Variants in CNTNAP2 observed in about 807,000 individuals in gnomAD.
The protein encoded by CNTNAP2 is contactin-associated protein-like 2.
In CNTNAP2, 98 loss-of-function variants were observed where a neutral mutation model predicts 155.2. The ratio of observed to expected loss-of-function variants is 0.63; its 90% CI spans 0.54 to 0.75. The LOEUF is 0.75. CNTNAP2 is among the 30% of genes least tolerant of loss of function. CNTNAP2 has a pLI of 0.00. For missense variants in CNTNAP2, 1,727 were observed against 1,688.1 expected (o/e 1.02, Z -0.40); for synonymous variants, 651 against 631.2 (o/e 1.03, Z -0.47).
intron 1 of CNTNAP2, among the ~76,000 whole-genome samples, chr7:146,394,041 G>A (rs1206348029): frequency 2.6e-5 from 4 of 152,098 alleles, no homozygotes; most frequent in Admixed American, 6.6e-5. Context: ...GCTTGTTGTC[G>A]CTTTATCCAA....
chr7:147,293,038 G>A (rs1231459281), intron 8 of CNTNAP2, among the ~76,000 whole-genome samples: 1 of 152,164 alleles, frequency 6.6e-6, no homozygotes, highest in Admixed American at 6.5e-5. Context: ...AAAGTGCTGG[G>A]ATTGCAGGCA....
At chr7:147,402,727 T>A (rs1796938101) in intron 10 of CNTNAP2, among the ~76,000 whole-genome samples, 1 of 152,138 alleles carries the variant, frequency 6.6e-6, no homozygotes, top group Admixed American at 6.5e-5. Context: ...AGGTTAGGCA[T>A]TAGGGACAGC....
chr7:147,357,796 G>C (rs2116890329), intron 9 of CNTNAP2, among the ~76,000 whole-genome samples: 1 of 152,140 alleles, frequency 6.6e-6, no homozygotes, highest in East Asian at 1.9e-4. Flanking sequence ...TGGAGTGCAG[G>C]ATTTTTTTCT....
chr7:147,835,038 G>C (rs559192879), intron 13 of CNTNAP2, among the ~76,000 whole-genome samples: 1 of 152,156 alleles, frequency 6.6e-6, no homozygotes, highest in South Asian at 2.1e-4. Flanking sequence ...GGACTGATCT[G>C]CCAATAAGGA....
intron 1 of CNTNAP2, among the ~76,000 whole-genome samples, chr7:146,360,490 T>G (rs1007872183): frequency 6.6e-6 from 1 of 152,142 alleles, no homozygotes; most frequent in African/African-American, 2.4e-5. Context: ...GAATATCACA[T>G]GCGAAATCCA....
At chr7:146,413,895 A>C (rs1795901218) in intron 1 of CNTNAP2, among the ~76,000 whole-genome samples, 1 of 152,140 alleles carries the variant, frequency 6.6e-6, no homozygotes, top group Non-Finnish European at 1.5e-5. Context: ...AGCTGTGTTC[A>C]TCCACTCCTC....
intron 13 of CNTNAP2, among the ~76,000 whole-genome samples, chr7:147,745,944 TTC>T (rs1797034910): frequency 6.6e-6 from 1 of 152,124 alleles, no homozygotes; most frequent in Non-Finnish European, 1.5e-5. Context: ...GAATAATATA[TTC>T]AATGAACTTC....
In CNTNAP2 at chr7:146,371,657, A is replaced by G. The variant is rs935432749; in HGVS notation, c.97+254684A>G. ...AGTATTAGTTCTTTTGTGTCATTTAAAAATATTTTGCCAGCTGGGCGTGGT... is the reference window on the plus strand; with the variant it reads ...AGTATTAGTTCTTTTGTGTCATTTAGAAATATTTTGCCAGCTGGGCGTGGT... On this transcript the variant is annotated intron_variant, in intron 1 of 23. Coordinates refer to ENST00000361727, the MANE Select transcript of CNTNAP2 (RefSeq NM_014141.6). 2.6e-5 allele frequency among the ~76,000 whole-genome samples: 4 copies of G among 152,006 alleles called. No homozygotes were observed. The South Asian group carries it at 8.3e-4, about 32-fold the overall frequency.
chr7:148,347,891 T>A (rs993648426), intron 21 of CNTNAP2, among the ~76,000 whole-genome samples: 1 of 152,200 alleles, frequency 6.6e-6, no homozygotes, highest in Non-Finnish European at 1.5e-5. Context: ...TCTTTACAGC[T>A]CTAAGCTGCT....
rs530176906 is a variant in CNTNAP2, at chr7:148,220,134, G to A, written c.3247+2610G>A. 2.6e-5 allele frequency among the ~76,000 whole-genome samples: 4 copies of A among 152,336 alleles called. No individual in the cohort carries two copies. In the South Asian group the frequency reaches 6.2e-4, roughly 24 times the overall value. On this transcript the variant is annotated intron_variant, in intron 19 of 23. Coordinates refer to ENST00000361727, the MANE Select transcript of CNTNAP2 (RefSeq NM_014141.6). ...GTTTTGTTTTTTGAGACGGAGTCTC[G>A]CTCTGTCGCCCAGGCCGGAGTGCAG...
chr7:146,353,933 A>G (rs894811031), intron 1 of CNTNAP2, among the ~76,000 whole-genome samples: 3 of 152,172 alleles, frequency 2.0e-5, no homozygotes, highest in Non-Finnish European at 4.4e-5. Context: ...TAAAAGCTGT[A>G]TTTGTTCAAA....
intron 3 of CNTNAP2, among the ~76,000 whole-genome samples, chr7:146,971,405 C>T (rs939733364): frequency 2.0e-5 from 3 of 152,090 alleles, no homozygotes; most frequent in Non-Finnish European, 4.4e-5. Context: ...TGTTCTCAAA[C>T]ACTAGCGATA....
At chr7:147,516,286 A>C (rs145699785) in intron 11 of CNTNAP2, among the ~76,000 whole-genome samples, 39 of 152,300 alleles carry the variant, frequency 2.6e-4, no homozygotes, top group Non-Finnish European at 5.0e-4. Flanking sequence ...AAAATTACTC[A>C]GGCTCAATGA....
chr7:148,185,190 A>C (rs1211527948), intron 18 of CNTNAP2, among the ~76,000 whole-genome samples: 1 of 152,220 alleles, frequency 6.6e-6, no homozygotes, highest in Non-Finnish European at 1.5e-5. Context: ...GCAAGACTTT[A>C]GACCTCAGAG....
chr7:146,685,052 ATAAT>A (rs960911485), intron 1 of CNTNAP2, among the ~76,000 whole-genome samples: 2 of 152,180 alleles, frequency 1.3e-5, no homozygotes, highest in African/African-American at 2.4e-5. Flanking sequence ...GTCCTCATAA[ATAAT>A]AAAAACAAGA....
At chr7:147,702,073 T>TG (rs1796243955) in intron 13 of CNTNAP2, among the ~76,000 whole-genome samples, 1 of 150,828 alleles carries the variant, frequency 6.6e-6, no homozygotes, top group Non-Finnish European at 1.5e-5. Flanking sequence ...TTTTTTTTTT[T>TG]TTTTCCGAAA....
intron 15 of CNTNAP2, among the ~76,000 whole-genome samples, chr7:148,005,644 G>T (rs1001225184): frequency 1.4e-4 from 21 of 151,988 alleles, no homozygotes; most frequent in African/African-American, 4.4e-4. Flanking sequence ...TGGGGCTAAA[G>T]GTGAAACAGC....
intron 10 of CNTNAP2, among the ~76,000 whole-genome samples, chr7:147,484,241 T>C (rs768802153): frequency 3.5e-4 from 54 of 152,216 alleles, no homozygotes; most frequent in Non-Finnish European, 6.3e-4. Flanking sequence ...TTAGGGTGAA[T>C]TTTCCATCCC....
rs193165096 is a variant in CNTNAP2, at chr7:146,958,989, A to G, written c.403-84918A>G. On this transcript the variant is annotated intron_variant, in intron 3 of 23. Coordinates refer to ENST00000361727, the MANE Select transcript of CNTNAP2 (RefSeq NM_014141.6). ...CATGATTTCCATAGCTCTTTGAATTAGGATAATGACTTTTTTATTTTATTT... is the reference window on the plus strand; with the variant it reads ...CATGATTTCCATAGCTCTTTGAATTGGGATAATGACTTTTTTATTTTATTT... 4.9e-3 allele frequency among the ~76,000 whole-genome samples: 741 copies of G among 151,952 alleles called. 6 individuals carry two copies. The highest frequency in any genetic ancestry group is 0.017 in the African/African-American group (701 of 41,476).
Sources: gnomAD v4.1 joint callset for allele counts (sites outside exome capture counted in the v4.1 genomes callset) on GRCh38, gnomAD v4.1.1 for gene constraint, MANE v1.5 for transcripts, NCBI Gene and HGNC (gene_info 2026-07-23, HGNC 2026-07-21) for gene names.